Variants in AKAP9 observed in about 807,000 individuals in gnomAD.
AKAP9 encodes A-kinase anchor protein 9.
AKAP9 carries 311 observed loss-of-function variants against 488.5 expected under a neutral mutation model. The observed-to-expected ratio is 0.64, with a 90% CI of 0.58 to 0.70. AKAP9 has a LOEUF of 0.70. Among genes scored for constraint, AKAP9 ranks in the 30% least tolerant of loss-of-function variants. AKAP9 has a pLI of 0.00. For missense variants in AKAP9, 4,215 were observed against 4,374.5 expected (o/e 0.96, Z 1.03); for synonymous variants, 1,462 against 1,483.5 (o/e 0.99, Z 0.33).
intron 45 of AKAP9, among the ~76,000 whole-genome samples, chr7:92,101,571 A>G (rs1324569708): frequency 6.6e-6 from 1 of 152,182 alleles, no homozygotes; most frequent in African/African-American, 2.4e-5. Context: ...ACCTTTATTA[A>G]TGGTCACAGT....
At chr7:92,070,270 A>G (rs1051822707) in intron 27 of AKAP9, 64 bp downstream of exon 27, 1 of 1,509,086 alleles carries the variant, frequency 6.6e-7, no homozygotes, top group Non-Finnish European at 9.2e-7. Context: ...TAAATTGTCA[A>G]CTTCTTGTAG....
In AKAP9 at chr7:92,042,129, T is replaced by G; in HGVS notation, c.5001T>G (p.Ser1667=). The change falls in exon 19 of 50, where the codon TCT becomes TCG. Residue 1667 remains serine, a synonymous_variant. Transcript: ENST00000356239. ...AGCTGGAAGCACTAAAGCAGCTGTC[T>G]TTAGCTGGAAGAGAGAAGCTGTGTT... ...LEELEALKQL[S]LAGREKLCCE... is the part of the protein sequence containing the mutation. 6.2e-7 allele frequency: 1 copy of G among 1,614,044 alleles called. No individual in the cohort carries two copies. Among genetic ancestry groups the G allele is most frequent in the Non-Finnish European group, 8.5e-7 (1 of 1,179,940 alleles).
intron 25 of AKAP9, 41 bp downstream of exon 25, chr7:92,065,504 A>G: frequency 1.4e-6 from 2 of 1,406,152 alleles, no homozygotes; most frequent in Non-Finnish European, 2.0e-6. Context: ...TCTCAGTGGA[A>G]TGTTCTTTGC....
chr7:92,107,329 G>T lies in AKAP9; in HGVS notation c.11453G>T (p.Gly3818Val). The T allele has an allele frequency of 6.2e-7, 1 of 1,613,864 alleles. No homozygotes were observed. Among genetic ancestry groups the T allele is most frequent in the East Asian group, 2.2e-5 (1 of 44,842 alleles). Reference sequence around the variant, plus strand: ...ACTGACTCATTTTATCATTCTTCTGGTGGGCTGGAGTTATATGGAGAACCA... The same window carrying T: ...ACTGACTCATTTTATCATTCTTCTGTTGGGCTGGAGTTATATGGAGAACCA... The part of the protein sequence containing the change: ...EKTDSFYHSS[G>V]GLELYGEPRH... The change falls in exon 48 of 50, where the codon GGT (glycine) becomes GTT (valine). Residue 3818 changes from glycine (G) to valine (V), a missense_variant. By Grantham distance (109) the Gly-to-Val change is moderately radical. Coordinates refer to ENST00000356239, the MANE Select transcript of AKAP9 (RefSeq NM_005751.5).
In AKAP9 at chr7:92,096,766, A is replaced by G. The variant is rs773519823; in HGVS notation, c.9807A>G (p.Leu3269=). The change falls in exon 41 of 50, where the codon CTA becomes CTG. Residue 3269 remains leucine (L), a synonymous_variant. Coordinates refer to ENST00000356239, the MANE Select transcript of AKAP9 (RefSeq NM_005751.5). The part of the protein sequence containing the change: ...LNLLLEQQKQ[L]LNESQQKIES... The stretch of plus-strand genomic sequence containing the variant: ...TACTTTTGGAACAACAGAAACAACT[A>G]CTGAACGAATCCCAGCAAAAAATAG... 6.2e-7 allele frequency: 1 copy of G among 1,614,240 alleles called. No individual in the cohort carries two copies. The highest frequency in any genetic ancestry group is 8.5e-7 in the Non-Finnish European group (1 of 1,180,030).
chr7:92,083,806 T>C, intron 33 of AKAP9, 151 bp downstream of exon 33: 1 of 737,116 alleles, frequency 1.4e-6, no homozygotes, highest in South Asian at 1.8e-5. Context: ...AGGCAAGTTT[T>C]AAACTCCTAG....
chr7:91,963,793 C>T (rs1444283428), intron 1 of AKAP9, among the ~76,000 whole-genome samples: 2 of 152,196 alleles, frequency 1.3e-5, no homozygotes, highest in African/African-American at 4.8e-5. Context: ...GCTGGGATTA[C>T]AGGCGTGAGC....
chr7:91,968,701 G>A (rs1208538874), intron 1 of AKAP9, among the ~76,000 whole-genome samples: 1 of 152,028 alleles, frequency 6.6e-6, no homozygotes, highest in Non-Finnish European at 1.5e-5. Context: ...TTTATTTGAA[G>A]TCTTTCTCAT....
chr7:92,089,754 A>T, intron 38 of AKAP9: 1 of 474,752 alleles, frequency 2.1e-6, no homozygotes. Context: ...CATTCCCCTG[A>T]TAAGGTTAAG....
intron 5 of AKAP9, 66 bp downstream of exon 5, chr7:91,993,121 T>C: frequency 2.6e-6 from 4 of 1,563,210 alleles, no homozygotes; most frequent in East Asian, 2.2e-5. Context: ...ATGTGAATAA[T>C]AGTAGTCTTT....
chr7:92,043,508 A>T (rs1470122474), intron 20 of AKAP9: 2 of 179,334 alleles, frequency 1.1e-5, no homozygotes, highest in Non-Finnish European at 2.2e-5. Flanking sequence ...GTAAGTGCCA[A>T]TAAAATGAGT....
intron 14 of AKAP9, among the ~76,000 whole-genome samples, chr7:92,029,225 A>G (rs1048711709): frequency 3.2e-5 from 4 of 125,168 alleles, no homozygotes; most frequent in African/African-American, 1.2e-4. Flanking sequence ...AAAACTACAC[A>G]ATACAGATGT....
Position 92,003,124 on chromosome 7 carries a change from G to A in AKAP9, c.3207G>A (p.Gln1069=). 6.2e-7 allele frequency: 1 copy of A among 1,611,190 alleles called. No individual in the cohort carries two copies. Among genetic ancestry groups the A allele is most frequent in the Non-Finnish European group, 8.5e-7 (1 of 1,178,478 alleles). ...TTGGAGAAGAAAGTAAGCAAGAACA[G>A]TTGATTTTGGATCACTTACCATCTG... is the stretch of plus-strand genomic sequence containing the variant. ...MTVGEESKQE[Q]LILDHLPSVT... Residue 1069 remains glutamine (Q), a synonymous_variant, in exon 8 of 50, where the codon CAG becomes CAA. Transcript: ENST00000356239.
At position 91,979,095 on chromosome 7, in the gene AKAP9, G is replaced by A. The variant is rs139583785; in HGVS notation, c.307-1194G>A. ...ACCTGGCCGAACTTTTCTAACAGTA[G>A]CATTTTAGGACTTTGTTTCATTTTA... On this transcript the variant is annotated intron_variant, in intron 2 of 49. Coordinates refer to ENST00000356239, the MANE Select transcript of AKAP9 (RefSeq NM_005751.5). Among the ~76,000 whole-genome samples the A allele has an allele frequency of 7.6e-3, 1,155 of 152,026 alleles. 12 individuals carry two copies. Among genetic ancestry groups the A allele is most frequent in the Middle Eastern group, 0.017 (5 of 294 alleles).
intron 1 of AKAP9, among the ~76,000 whole-genome samples, chr7:91,959,096 G>A (rs1043078082): frequency 6.6e-5 from 10 of 151,730 alleles, no homozygotes; most frequent in Non-Finnish European, 1.5e-4. Flanking sequence ...TGTTGCCCAG[G>A]TTGGTCTCGA....
Position 92,002,929 on chromosome 7 carries a change from C to G in AKAP9, c.3012C>G (p.Asn1004Lys). Residue 1004 changes from asparagine to lysine, a missense_variant, in exon 8 of 50, where the codon AAC (asparagine) becomes AAG (lysine). Transcript: ENST00000356239. ...AGCTAGAAATCATTATTAACCACAA[C>G]AGGGCAGAAAATGTACAGTCATGTG... ...CRELEIIINH[N>K]RAENVQSCDT... is the part of the protein sequence containing the mutation. The G allele has an allele frequency of 6.2e-7, 1 of 1,611,876 alleles. No homozygotes were observed. Among genetic ancestry groups the G allele is most frequent in the Non-Finnish European group, 8.5e-7 (1 of 1,179,272 alleles).
At chr7:91,994,484 A>G in intron 5 of AKAP9, 137 bp from the exon 6 acceptor site, 1 of 771,958 alleles carries the variant, frequency 1.3e-6, no homozygotes, top group Non-Finnish European at 2.0e-6. Context: ...GTAAGTTAAT[A>G]GTTTTCAAAT....
chr7:91,945,371 G>A (rs558221685), intron 1 of AKAP9, among the ~76,000 whole-genome samples: 8 of 152,164 alleles, frequency 5.3e-5, no homozygotes, highest in East Asian at 1.9e-4. Flanking sequence ...TTAGCCAGGC[G>A]TGGTGGCAGG....
chr7:92,089,202 G>A (rs1037072314), intron 37 of AKAP9, among the ~76,000 whole-genome samples, 183 bp from the exon 38 acceptor site: 3 of 152,172 alleles, frequency 2.0e-5, no homozygotes, highest in African/African-American at 7.2e-5. Context: ...CTGGTATTTA[G>A]AGGTAAATGA....
Sources: allele counts gnomAD v4.1 joint callset (sites outside exome capture counted in the v4.1 genomes callset), GRCh38; gene constraint gnomAD v4.1.1; transcripts MANE v1.5; gene names NCBI Gene and HGNC (gene_info 2026-07-23, HGNC 2026-07-21).